Variants in PPM1A observed in about 807,000 individuals in gnomAD.
PPM1A encodes protein phosphatase 1A.
PPM1A carries 7 observed loss-of-function variants against 35.0 expected under a neutral mutation model. The ratio of observed to expected loss-of-function variants is 0.20; its 90% CI spans 0.11 to 0.38. The LOEUF (loss-of-function observed/expected upper bound fraction) is 0.38. Among genes scored for constraint, PPM1A ranks in the 10% least tolerant of loss-of-function variants. The probability of loss-of-function intolerance (pLI) is 1.00; values close to 1 mark genes in which losing one functional copy is unlikely to be tolerated. For missense variants in PPM1A, 239 were observed against 467.8 expected (o/e 0.51, Z 4.51); for synonymous variants, 153 against 167.3 (o/e 0.91, Z 0.66).
At position 60,298,280 on chromosome 14, in the gene PPM1A, G is replaced by A. The variant is rs1303408416; in HGVS notation, c.*5798G>A. Reference sequence around the variant, plus strand: ...AAGTAATACATTTATTTACCTGTCAGATCTCCAGGTTTTAAGATTTTGAGC... The same window carrying A: ...AAGTAATACATTTATTTACCTGTCAAATCTCCAGGTTTTAAGATTTTGAGC... On this transcript the variant is annotated 3_prime_UTR_variant, in exon 6 of 6. Coordinates refer to ENST00000395076, the MANE Select transcript of PPM1A (RefSeq NM_021003.5). 3 of 151,568 alleles carry A rather than the reference G, an allele frequency of 2.0e-5. No individual in the cohort carries two copies. Among genetic ancestry groups the A allele is most frequent in the African/African-American group, 7.3e-5 (3 of 41,366 alleles). The allele number at this position is 151,568 out of a possible 1,614,324, so 9.4% of individuals were successfully genotyped here.
chr14:60,274,917 A>T (rs1413159824), intron 1 of PPM1A, among the ~76,000 whole-genome samples: 1 of 151,916 alleles, frequency 6.6e-6, no homozygotes, highest in African/African-American at 2.4e-5. Context: ...TTAAAAAAAA[A>T]GTCATCTTAT....
At chr14:60,250,647 GAGAT>G (rs749245515) in intron 1 of PPM1A, among the ~76,000 whole-genome samples, 31 of 152,324 alleles carry the variant, frequency 2.0e-4, no homozygotes, top group Admixed American at 1.3e-4. Context: ...AAGAGTATGA[GAGAT>G]AGGTATCATT....
At chr14:60,267,776 A>G (rs569511606) in intron 1 of PPM1A, among the ~76,000 whole-genome samples, 4 of 152,210 alleles carry the variant, frequency 2.6e-5, no homozygotes, top group African/African-American at 7.2e-5. Flanking sequence ...TAAATGGCCA[A>G]TTGTTAACAT....
intron 1 of PPM1A, among the ~76,000 whole-genome samples, chr14:60,268,639 A>C (rs1213309738): frequency 6.6e-6 from 1 of 150,640 alleles, no homozygotes; most frequent in African/African-American, 2.4e-5. Context: ...TTTCTTTAGT[A>C]TACTGGTTTT....
Position 60,295,929 on chromosome 14 carries a change from C to T in PPM1A, c.*3447C>T, listed in dbSNP as rs567480402. The T allele has an allele frequency of 1.3e-5, 2 of 151,672 alleles. No individual in the cohort carries two copies. Among genetic ancestry groups the T allele is most frequent in the South Asian group, 2.1e-4 (1 of 4,824 alleles). The allele number at this position is 151,672 out of a possible 1,614,324, so 9.4% of individuals were successfully genotyped here. On this transcript the variant is annotated 3_prime_UTR_variant, in exon 6 of 6. Coordinates refer to ENST00000395076, the MANE Select transcript of PPM1A (RefSeq NM_021003.5). ...AAGAGTAATTCAGAAGAAAATTTTG[C>T]TTAGCATAAGAATAAAATTGGACTG...
intron 4 of PPM1A, among the ~76,000 whole-genome samples, chr14:60,290,445 T>C (rs1847741801): frequency 6.6e-6 from 1 of 152,176 alleles, no homozygotes; most frequent in African/African-American, 2.4e-5. Context: ...CCACTTTAGT[T>C]CATAGAATTG....
chr14:60,286,758 G>C (rs1032551340), intron 3 of PPM1A: 1 of 981,264 alleles, frequency 1.0e-6, no homozygotes, highest in Non-Finnish European at 1.2e-6. Flanking sequence ...TTGTTCTTTA[G>C]TACTGTCTAG....
chr14:60,276,866 T>A (rs1595339338), intron 1 of PPM1A: 2 of 209,764 alleles, frequency 9.5e-6, no homozygotes, highest in East Asian at 2.8e-4. Context: ...AAGGCAAGAC[T>A]GAACATTAAT....
intron 2 of PPM1A, among the ~76,000 whole-genome samples, 164 bp from the exon 3 acceptor site, chr14:60,285,460 G>GCA (rs547581603): frequency 8.0e-6 from 1 of 124,710 alleles, no homozygotes; most frequent in South Asian, 2.5e-4. Context: ...GGGAGTCATT[G>GCA]CACACACACA....
chr14:60,245,916 A>G (rs1397641077), upstream of PPM1A: 1 of 1,586,664 alleles, frequency 6.3e-7, no homozygotes. This position sits in a 1 kb window ranked among gnomAD's most constrained non-coding sequence, Gnocchi z 4.2. Flanking sequence ...AAAGAGAGAA[A>G]AGAAGAATGG....
intron 1 of PPM1A, among the ~76,000 whole-genome samples, chr14:60,277,534 AT>A (rs1254551890): frequency 2.6e-5 from 4 of 152,062 alleles, no homozygotes; most frequent in Non-Finnish European, 5.9e-5. Context: ...CTATAATAAT[AT>A]ACTGTATATA....
Position 60,282,768 on chromosome 14 carries a change from T to A in PPM1A, c.65T>A (p.Leu22Ter). The A allele has an allele frequency of 6.2e-7, 1 of 1,614,228 alleles. No homozygotes were observed. The change falls in exon 2 of 6, where the codon TTG becomes TAG. Residue 22 changes from leucine (L) to a stop codon, truncating the protein, a stop_gained. Coordinates refer to ENST00000395076, the MANE Select transcript of PPM1A (RefSeq NM_021003.5). LOFTEE classifies it high-confidence loss of function. The surrounding 1 kb of genome is among the most constrained non-coding windows in gnomAD (Gnocchi z 5.1). ...KHNAQGQGNG[L>*]RYGLSSMQGW... is the part of the protein sequence containing the mutation. ...AATGCCCAGGGGCAGGGTAATGGGT[T>A]GCGATATGGGCTAAGCAGCATGCAA...
chr14:60,291,545 AC>A (rs950645512), intron 5 of PPM1A, 91 bp downstream of exon 5: 8 of 1,059,116 alleles, frequency 7.6e-6, no homozygotes, highest in Non-Finnish European at 9.5e-6. Context: ...TGTTCACTGT[AC>A]CCATTCTCTT....
chr14:60,278,445 A>G (rs953794803), intron 1 of PPM1A, among the ~76,000 whole-genome samples: 20 of 152,080 alleles, frequency 1.3e-4, no homozygotes, highest in African/African-American at 4.8e-4. Context: ...TAGAAAAACT[A>G]AAGCAGAGAT....
chr14:60,263,894 A>G (rs1291493785), intron 1 of PPM1A, among the ~76,000 whole-genome samples: 3 of 150,728 alleles, frequency 2.0e-5, no homozygotes, highest in Non-Finnish European at 4.4e-5. Context: ...TTATGAGCTA[A>G]TATTTGATTA....
intron 1 of PPM1A, among the ~76,000 whole-genome samples, chr14:60,263,701 T>A (rs887118141): frequency 1.3e-5 from 2 of 152,148 alleles, no homozygotes; most frequent in Non-Finnish European, 2.9e-5. Flanking sequence ...AAAGTAATAT[T>A]TCTTTCTTGG....
rs1206756809 is a variant in PPM1A, at chr14:60,282,575, T to C, written c.-20-109T>C. 4 of 1,346,198 alleles carry C rather than the reference T, an allele frequency of 3.0e-6. No homozygotes were observed. The highest frequency in any genetic ancestry group is 4.0e-6 in the Non-Finnish European group (4 of 993,126). The allele number at this position is 1,346,198 out of a possible 1,614,324, so 83.4% of individuals were successfully genotyped here. A position where few individuals can be genotyped will look rare whatever the true frequency, so the allele number is the denominator to read the frequency against. On this transcript the variant is annotated intron_variant, in intron 1 of 5. Transcript: ENST00000395076. This position sits in a 1 kb window ranked among gnomAD's most constrained non-coding sequence, Gnocchi z 5.1. Reference sequence around the variant, plus strand: ...CAGCAACACAATGAATGTCTGCTTATCGCGAGTTGTGAATTCCCGCATATC... The same window carrying C: ...CAGCAACACAATGAATGTCTGCTTACCGCGAGTTGTGAATTCCCGCATATC...
intron 1 of PPM1A, among the ~76,000 whole-genome samples, chr14:60,265,126 T>C (rs1441315598): frequency 6.6e-6 from 1 of 152,228 alleles, no homozygotes; most frequent in Non-Finnish European, 1.5e-5. Flanking sequence ...CACATCTTTA[T>C]ATTGGAGGCT....
At chr14:60,279,452 C>G (rs1213833564) in intron 1 of PPM1A, among the ~76,000 whole-genome samples, 1 of 152,186 alleles carries the variant, frequency 6.6e-6, no homozygotes, top group African/African-American at 2.4e-5. Flanking sequence ...TACACACAAC[C>G]CAGCTGATTG....
Sources: allele counts gnomAD v4.1 joint callset (sites outside exome capture counted in the v4.1 genomes callset), GRCh38; gene constraint gnomAD v4.1.1; non-coding constraint Gnocchi (gnomAD v3.1); transcripts MANE v1.5; gene names NCBI Gene and HGNC (gene_info 2026-07-23, HGNC 2026-07-21).